The following GPM6B variants were observed in gnomAD, a reference collection of about 807,000 sequenced individuals.
GPM6B encodes the protein glycoprotein M6B.
A neutral mutation model predicts 27.2 loss-of-function variants in GPM6B; 4 were observed. The observed-to-expected ratio is 0.15, with a 90% CI of 0.07 to 0.34. The LOEUF (loss-of-function observed/expected upper bound fraction) is 0.34. Ranked by LOEUF, GPM6B falls within the 10% of genes least tolerant of loss-of-function variation. GPM6B has a pLI of 1.00. For synonymous variants in GPM6B, 124 were observed against 103.1 expected (o/e 1.20, Z -1.23); for missense variants, 183 against 261.9 (o/e 0.70, Z 2.08).
intron 1 of GPM6B, among the ~76,000 whole-genome samples, chrX:13,849,736 T>C (rs1471810384): frequency 9.1e-6 from 1 of 109,912 alleles, no homozygotes; most frequent in Non-Finnish European, 1.9e-5. Flanking sequence ...ACATTTTTAA[T>C]ATATGTTATT....
intron 1 of GPM6B, among the ~76,000 whole-genome samples, chrX:13,881,191 A>G (rs2050093489): frequency 8.9e-6 from 1 of 112,308 alleles, no homozygotes; most frequent in South Asian, 3.7e-4. Context: ...CAACTGAAAC[A>G]CTAAGTGGAG....
At chrX:13,852,663 A>G (rs986992509) in intron 1 of GPM6B, among the ~76,000 whole-genome samples, 4 of 111,531 alleles carry the variant, frequency 3.6e-5, no homozygotes, top group African/African-American at 1.3e-4. Context: ...AGCTGCAGTC[A>G]TTCCTAGTGT....
chrX:13,898,782 G>A (rs1031763945), intron 1 of GPM6B, among the ~76,000 whole-genome samples: 5 of 111,355 alleles, frequency 4.5e-5, no homozygotes, highest in Admixed American at 1.9e-4. Flanking sequence ...CTGAGGCCTC[G>A]CTTTCTCACA....
intron 1 of GPM6B, among the ~76,000 whole-genome samples, chrX:13,895,845 A>G (rs1218979058): frequency 3.6e-5 from 4 of 109,625 alleles, no homozygotes; most frequent in Admixed American, 9.8e-5. Context: ...AGGGCTTTAG[A>G]AAAATCTTAA....
At chrX:13,898,316 C>T (rs1167103576) in intron 1 of GPM6B, among the ~76,000 whole-genome samples, 1 of 111,973 alleles carries the variant, frequency 8.9e-6, no homozygotes, top group Non-Finnish European at 1.9e-5. Flanking sequence ...GCCAAATGGC[C>T]CCTGGGGAAC....
chrX:13,796,493 T>G (rs140949578), intron 2 of GPM6B, among the ~76,000 whole-genome samples: 1,660 of 112,305 alleles, frequency 0.015, 32 homozygotes, highest in African/African-American at 0.05. Context: ...TGTGAACCAC[T>G]AATATAGTGC....
At chrX:13,851,404 T>C (rs1051088715) in intron 1 of GPM6B, among the ~76,000 whole-genome samples, 1 of 110,645 alleles carries the variant, frequency 9.0e-6, no homozygotes, top group Admixed American at 9.7e-5. Flanking sequence ...GAGGGGAAGA[T>C]TAAATAGATG....
At chrX:13,807,068 C>T (rs1054695825) in intron 2 of GPM6B, among the ~76,000 whole-genome samples, 3 of 112,241 alleles carry the variant, frequency 2.7e-5, no homozygotes, top group South Asian at 3.7e-4. Context: ...ATGTTCCTCA[C>T]GAGCAAGGAA....
chrX:13,922,710 T>C (rs1012270014), intron 1 of GPM6B, among the ~76,000 whole-genome samples: 29 of 112,560 alleles, frequency 2.6e-4, no homozygotes, highest in African/African-American at 9.0e-4. Flanking sequence ...AATCCCTAAA[T>C]GCTAAAATAA....
rs778145567 is a variant in GPM6B at position 13,807,348 on chromosome X, G to T, written c.181+302C>A. 5.4e-5 allele frequency among the ~76,000 whole-genome samples: 6 copies of T among 111,852 alleles called. 1 individual carries two copies. In the South Asian group the frequency reaches 2.3e-3, roughly 43 times the overall value. On this transcript the variant is annotated intron_variant, in intron 2 of 7. Transcript: ENST00000316715. Reference sequence around the variant, plus strand: ...TGGTTCAGGCATTGGAAATTTCATGGTTAACCAAAGGCATATCTCACTGTA... The same window carrying T: ...TGGTTCAGGCATTGGAAATTTCATGTTTAACCAAAGGCATATCTCACTGTA...
intron 3 of GPM6B, 97 bp downstream of exon 3, chrX:13,785,525 T>A (rs901021768): frequency 1.2e-5 from 10 of 808,224 alleles, no homozygotes; most frequent in Non-Finnish European, 1.8e-5. Context: ...TGACTTCAGG[T>A]GATCTGCCTG....
chrX:13,777,457 C>CA, intron 5 of GPM6B, 32 bp from the exon 6 acceptor site: 1 of 977,475 alleles, frequency 1.0e-6, no homozygotes, highest in African/African-American at 1.9e-5. Flanking sequence ...GATGTTAGTA[C>CA]AAACTATAGC....
At chrX:13,812,406 T>C (rs1178155373) in intron 1 of GPM6B, among the ~76,000 whole-genome samples, 1 of 111,761 alleles carries the variant, frequency 8.9e-6, no homozygotes, top group Non-Finnish European at 1.9e-5. Context: ...TTTGTGAAAC[T>C]GGGATTGTAA....
intron 1 of GPM6B, among the ~76,000 whole-genome samples, chrX:13,873,459 TG>T (rs754156013): frequency 5.9e-4 from 66 of 111,875 alleles, no homozygotes; most frequent in African/African-American, 1.9e-3. Context: ...GGGGTTCCTT[TG>T]AGGGTGATCA....
intron 1 of GPM6B, among the ~76,000 whole-genome samples, chrX:13,869,941 G>A (rs1224335217): frequency 2.7e-5 from 3 of 112,085 alleles, no homozygotes; most frequent in African/African-American, 9.7e-5. Flanking sequence ...GCGGCATTTA[G>A]TTGTCCTGTC....
At chrX:13,852,773 C>T (rs867795925) in intron 1 of GPM6B, among the ~76,000 whole-genome samples, 1 of 89,009 alleles carries the variant, frequency 1.1e-5, no homozygotes, top group Non-Finnish European at 2.2e-5. Context: ...ACAACAAAAA[C>T]TTTTTTTTTT....
At chrX:13,838,133 G>GAAAAAAAAAAAA (rs59126207) in intron 1 of GPM6B, among the ~76,000 whole-genome samples, 1 of 89,393 alleles carries the variant, frequency 1.1e-5, no homozygotes. Flanking sequence ...GGAAAAAAAA[G>GAAAAAAAAAAAA]AAAAAAAAAA....
chrX:13,914,110 A>G (rs934283208), intron 1 of GPM6B, among the ~76,000 whole-genome samples: 3 of 111,762 alleles, frequency 2.7e-5, no homozygotes, highest in Non-Finnish European at 5.6e-5. Flanking sequence ...AAAGTTTTAC[A>G]TTTGCAATGT....
At chrX:13,938,163 C>T (rs1465963769) in intron 1 of GPM6B, among the ~76,000 whole-genome samples, 1 of 111,102 alleles carries the variant, frequency 9.0e-6, no homozygotes, top group East Asian at 2.9e-4. Flanking sequence ...CTCTACTGGC[C>T]CCTTAAAATA....
Sources: allele counts gnomAD v4.1 joint callset (sites outside exome capture counted in the v4.1 genomes callset), GRCh38; gene constraint gnomAD v4.1.1; transcripts MANE v1.5; gene names NCBI Gene and HGNC (gene_info 2026-07-23, HGNC 2026-07-21).